Variants in SCX observed in about 807,000 individuals in gnomAD.
SCX encodes the protein scleraxis bHLH transcription factor.
In SCX, 7 loss-of-function variants were observed where a neutral mutation model predicts 12.2. The observed-to-expected ratio is 0.57, with a 90% CI of 0.33 to 1.08. The LOEUF (loss-of-function observed/expected upper bound fraction) is 1.08. Ranked by LOEUF, SCX falls within the 50% of genes least tolerant of loss-of-function variation. SCX has a pLI of 0.04. For missense variants in SCX, 342 were observed against 337.2 expected (o/e 1.01, Z -0.11); for synonymous variants, 193 against 163.9 (o/e 1.18, Z -1.36).
chr8:144,267,457 G>T (rs1033706168), intron 1 of SCX, among the ~76,000 whole-genome samples: 42 of 152,376 alleles, frequency 2.8e-4, no homozygotes, highest in Admixed American at 4.6e-4. Flanking sequence ...CACCCAGGGC[G>T]GGGAGGCTGG....
At position 144,268,459 on chromosome 8, in the gene SCX, A is replaced by T. The variant is rs1273274775; in HGVS notation, c.*317A>T. 1 of 523,232 alleles carries T rather than the reference A, an allele frequency of 1.9e-6. No individual in the cohort carries two copies. The highest frequency in any genetic ancestry group is 1.9e-5 in the African/African-American group (1 of 51,286). 32.4% of individuals were successfully genotyped at this position (523,232 alleles called of 1,614,324 possible). A position where few individuals can be genotyped will look rare whatever the true frequency, so the allele number is the denominator to read the frequency against. Reference sequence around the variant, plus strand: ...AAAGTCTGAAAATTTTGTATAATTAAAAACAAAACAGTATCTTCCAAATAT... The same window carrying T: ...AAAGTCTGAAAATTTTGTATAATTATAAACAAAACAGTATCTTCCAAATAT... On this transcript the variant is annotated 3_prime_UTR_variant, in exon 2 of 2. Coordinates refer to ENST00000567180, the MANE Select transcript of SCX (RefSeq NM_001080514.3).
In SCX at chr8:144,268,276, T is replaced by C; in HGVS notation, c.*134T>C. On this transcript the variant is annotated 3_prime_UTR_variant, in exon 2 of 2. Coordinates refer to ENST00000567180, the MANE Select transcript of SCX (RefSeq NM_001080514.3). Reference sequence around the variant, plus strand: ...AGCATGCCCCCAGGCCAGCCCTGGCTGCGAGCGGGGCCGAGGGACAGACGG... The same window carrying C: ...AGCATGCCCCCAGGCCAGCCCTGGCCGCGAGCGGGGCCGAGGGACAGACGG... 7.4e-7 allele frequency: 1 copy of C among 1,345,104 alleles called. No homozygotes were observed. The highest frequency in any genetic ancestry group is 1.0e-6 in the Non-Finnish European group (1 of 978,584). The allele number at this position is 1,345,104 out of a possible 1,614,324, so 83.3% of individuals were successfully genotyped here. A position where few individuals can be genotyped will look rare whatever the true frequency, so the allele number is the denominator to read the frequency against.
rs1313368216 is a variant in SCX, at chr8:144,266,966, G to A, written c.353G>A (p.Arg118His). Residue 118 changes from arginine to histidine, a missense_variant, in exon 1 of 2, where the codon CGC becomes CAC. Physicochemically the swap from Arg to His is conservative, Grantham distance 29. Around this residue, in one of 3 missense-constraint regions of SCX, gnomAD observed 161 missense variants for 155.7 expected, o/e 1.03. Coordinates refer to ENST00000567180, the MANE Select transcript of SCX (RefSeq NM_001080514.3). ...DRKLSKIETL[R>H]LASSYISHLG... The stretch of plus-strand genomic sequence containing the variant: ...AAGCTCTCCAAGATTGAGACGCTGC[G>A]CCTGGCCTCCAGCTACATCTCGCAC... 1.9e-6 allele frequency: 3 copies of A among 1,556,108 alleles called. No homozygotes were observed. The highest frequency in any genetic ancestry group is 2.5e-5 in the East Asian group (1 of 40,462).
rs2130209775 is a variant in SCX, at chr8:144,266,877, C to T, written c.264C>T (p.Thr88=). 6.7e-6 allele frequency: 10 copies of T among 1,499,096 alleles called. No homozygotes were observed. The highest frequency in any genetic ancestry group is 2.4e-5 in the South Asian group (2 of 83,510). 92.9% of individuals were successfully genotyped at this position (1,499,096 alleles called of 1,614,324 possible). A position where few individuals can be genotyped will look rare whatever the true frequency, so the allele number is the denominator to read the frequency against. Residue 88 remains threonine (T), a synonymous_variant, in exon 1 of 2, where the codon ACC becomes ACT. Coordinates refer to ENST00000567180, the MANE Select transcript of SCX (RefSeq NM_001080514.3). ...CGAACGCGCGCGAGCGAGACCGCACCAACAGCGTGAACACGGCCTTCACGG... is the reference window on the plus strand; with the variant it reads ...CGAACGCGCGCGAGCGAGACCGCACTAACAGCGTGAACACGGCCTTCACGG... ...HTANARERDR[T]NSVNTAFTAL...
chr8:144,267,351 C>G (rs941320895), intron 1 of SCX, among the ~76,000 whole-genome samples, 171 bp downstream of exon 1: 1 of 152,034 alleles, frequency 6.6e-6, no homozygotes, highest in Non-Finnish European at 1.5e-5. Flanking sequence ...GGGCTCCTCT[C>G]CAGGGCGTCC....
chr8:144,268,147 T>C lies in SCX; in HGVS notation c.*5T>C. 1 of 1,550,990 alleles carries C rather than the reference T, an allele frequency of 6.4e-7. No individual in the cohort carries two copies. Among genetic ancestry groups the C allele is most frequent in the East Asian group, 2.4e-5 (1 of 41,042 alleles). On this transcript the variant is annotated 3_prime_UTR_variant, in exon 2 of 2. Coordinates refer to ENST00000567180, the MANE Select transcript of SCX (RefSeq NM_001080514.3). ...AAGACAGCGATTCGCAGTTAGGAGG[T>C]GGCCGGCAGCAGCCAGGAGGCAGAC...
In SCX at chr8:144,267,066, C is replaced by T. The variant is rs1845388085; in HGVS notation, c.453C>T (p.His151=). The T allele has an allele frequency of 1.1e-5, 16 of 1,433,964 alleles. No homozygotes were observed. In the East Asian group the frequency reaches 2.4e-4, roughly 22 times the overall value. 88.8% of individuals were successfully genotyped at this position (1,433,964 alleles called of 1,614,324 possible). A position where few individuals can be genotyped will look rare whatever the true frequency, so the allele number is the denominator to read the frequency against. Residue 151 remains histidine (H), a synonymous_variant, in exon 1 of 2, where the codon CAC becomes CAT. Transcript: ENST00000567180. ...QPCHSGPAFF[H]AARAGSPPPP... is the part of the protein sequence containing the mutation. ...GCCACTCCGGGCCCGCCTTCTTCCA[C>T]GCGGCGCGCGCCGGCAGCCCCCCGC...
chr8:144,268,016 C>T (rs35563162), intron 1 of SCX, 88 bp from the exon 2 acceptor site: 441 of 1,545,544 alleles, frequency 2.9e-4, no homozygotes, highest in Non-Finnish European at 3.6e-4. Context: ...CGCTGGCCAC[C>T]TGAGATGGCA....
Position 144,266,628 on chromosome 8 carries a change from G to C in SCX, c.15G>C (p.Thr5=). MSFA[T]LRPAPPGRYL... The stretch of plus-strand genomic sequence containing the variant: ...CCGCCGGCCCCATGTCCTTCGCCAC[G>C]CTGCGCCCGGCGCCGCCGGGCCGCT... Residue 5 remains threonine (T), a synonymous_variant, in exon 1 of 2, where the codon ACG becomes ACC. Coordinates refer to ENST00000567180, the MANE Select transcript of SCX (RefSeq NM_001080514.3). The C allele has an allele frequency of 4.1e-6, 5 of 1,224,068 alleles. No homozygotes were observed. Among genetic ancestry groups the C allele is most frequent in the Non-Finnish European group, 5.2e-6 (5 of 962,630 alleles). The allele number at this position is 1,224,068 out of a possible 1,614,324, so 75.8% of individuals were successfully genotyped here.
At chr8:144,267,260 C>T in intron 1 of SCX, 80 bp downstream of exon 1, 1 of 1,414,812 alleles carries the variant, frequency 7.1e-7, no homozygotes, top group Non-Finnish European at 9.2e-7. Flanking sequence ...GGAGGCGAGG[C>T]CACACGGGCA....
At position 144,266,668 on chromosome 8, in the gene SCX, G is replaced by C; in HGVS notation, c.55G>C (p.Val19Leu). 1.6e-6 allele frequency: 2 copies of C among 1,263,012 alleles called. No homozygotes were observed. The highest frequency in any genetic ancestry group is 2.0e-6 in the Non-Finnish European group (2 of 984,778). The allele number at this position is 1,263,012 out of a possible 1,614,324, so 78.2% of individuals were successfully genotyped here. A position where few individuals can be genotyped will look rare whatever the true frequency, so the allele number is the denominator to read the frequency against. ...GCCGGGCCGCTACCTGTACCCCGAG[G>C]TGAGCCCGCTGTCGGAGGACGAGGA... ...APPGRYLYPE[V>L]SPLSEDEDRG... The change falls in exon 1 of 2, where the codon GTG (valine) becomes CTG (leucine). Residue 19 changes from valine (V) to leucine (L), a missense_variant. Val to Leu is a conservative substitution (Grantham distance 32). Coordinates refer to ENST00000567180, the MANE Select transcript of SCX (RefSeq NM_001080514.3).
At chr8:144,267,254 G>A in intron 1 of SCX, 74 bp downstream of exon 1, 1 of 1,429,834 alleles carries the variant, frequency 7.0e-7, no homozygotes, top group Non-Finnish European at 9.1e-7. Flanking sequence ...GGCAGAGGAG[G>A]CGAGGCCACA....
chr8:144,268,083 A>G, intron 1 of SCX, 21 bp from the exon 2 acceptor site: 2 of 1,549,624 alleles, frequency 1.3e-6, no homozygotes, highest in Non-Finnish European at 1.7e-6. Flanking sequence ...GGGGCCTGAC[A>G]CTCCTCCCTC....
chr8:144,267,297 C>G, intron 1 of SCX, 117 bp downstream of exon 1: 1 of 1,252,506 alleles, frequency 8.0e-7, no homozygotes, highest in Non-Finnish European at 1.0e-6. Flanking sequence ...CACAGGCAGG[C>G]ACACCTGTAA....
In SCX at chr8:144,266,900, C is replaced by A; in HGVS notation, c.287C>A (p.Thr96Lys). Residue 96 changes from threonine to lysine, a missense_variant, in exon 1 of 2, where the codon ACG becomes AAG. Physicochemically the swap from Thr to Lys is moderately conservative, Grantham distance 78 (BLOSUM62 -1). Transcript: ENST00000567180. The stretch of plus-strand genomic sequence containing the variant: ...ACCAACAGCGTGAACACGGCCTTCA[C>A]GGCGCTGCGCACGCTGATCCCCACC... Reference protein sequence around the residue: ...DRTNSVNTAFTALRTLIPTEP... With the variant: ...DRTNSVNTAFKALRTLIPTEP... 6.5e-7 allele frequency: 1 copy of A among 1,527,518 alleles called. No homozygotes were observed. Among genetic ancestry groups the A allele is most frequent in the East Asian group, 2.7e-5 (1 of 37,724 alleles). The allele number at this position is 1,527,518 out of a possible 1,614,324, so 94.6% of individuals were successfully genotyped here. A position where few individuals can be genotyped will look rare whatever the true frequency, so the allele number is the denominator to read the frequency against.
Position 144,267,141 on chromosome 8 carries a change from A to G in SCX, c.528A>G (p.Lys176=). The G allele has an allele frequency of 6.6e-7, 1 of 1,524,958 alleles. No individual in the cohort carries two copies. Among genetic ancestry groups the G allele is most frequent in the African/African-American group, 1.4e-5 (1 of 69,728 alleles). The allele number at this position is 1,524,958 out of a possible 1,614,324, so 94.5% of individuals were successfully genotyped here. A position where few individuals can be genotyped will look rare whatever the true frequency, so the allele number is the denominator to read the frequency against. Residue 176 remains lysine (K), a synonymous_variant, in exon 1 of 2, where the codon AAA becomes AAG. Coordinates refer to ENST00000567180, the MANE Select transcript of SCX (RefSeq NM_001080514.3). Reference sequence around the variant, plus strand: ...GCGACGGCGAGAACACCCAGCCCAAACAGATCTGCACCTTCTGCCTCAGCA... The same window carrying G: ...GCGACGGCGAGAACACCCAGCCCAAGCAGATCTGCACCTTCTGCCTCAGCA... ...PARDGENTQP[K]QICTFCLSNQ...
chr8:144,267,301 C>A, intron 1 of SCX, 121 bp downstream of exon 1: 2 of 1,214,238 alleles, frequency 1.6e-6, no homozygotes, highest in Non-Finnish European at 2.1e-6. Flanking sequence ...GGCAGGCACA[C>A]CTGTAACACA....
chr8:144,267,199 G>T lies in SCX; in HGVS notation c.567+19G>T. On this transcript the variant is annotated intron_variant, in intron 1 of 1. Coordinates refer to ENST00000567180, the MANE Select transcript of SCX (RefSeq NM_001080514.3). ...AAAGTTGGTGAGCACGGGCCGTGGG[G>T]CGCCGAGGGGGGCCTCCAACGCGCC... 6.7e-7 allele frequency: 1 copy of T among 1,499,880 alleles called. No homozygotes were observed. The highest frequency in any genetic ancestry group is 2.7e-5 in the East Asian group (1 of 36,848). The allele number at this position is 1,499,880 out of a possible 1,614,324, so 92.9% of individuals were successfully genotyped here. A position where few individuals can be genotyped will look rare whatever the true frequency, so the allele number is the denominator to read the frequency against.
chr8:144,267,329 G>C, intron 1 of SCX, 149 bp downstream of exon 1: 2 of 997,828 alleles, frequency 2.0e-6, no homozygotes, highest in Non-Finnish European at 1.3e-6. Flanking sequence ...CGGGGGCTGG[G>C]GCCTTCTCCT....
Sources: allele counts gnomAD v4.1 joint callset (sites outside exome capture counted in the v4.1 genomes callset), GRCh38; gene constraint gnomAD v4.1.1; regional missense constraint gnomAD v4.1.1; transcripts MANE v1.5; gene names NCBI Gene and HGNC (gene_info 2026-07-23, HGNC 2026-07-21).